The following ACCSL variants were observed in gnomAD, a reference collection of about 807,000 sequenced individuals.
ACCSL encodes probable inactive 1-aminocyclopropane-1-carboxylate synthase-like protein 2.
In ACCSL, 55 loss-of-function variants were observed where a neutral mutation model predicts 61.7. That is an observed-to-expected ratio of 0.89 (90% CI 0.72 to 1.12). The LOEUF (loss-of-function observed/expected upper bound fraction) is 1.12. Among genes scored for constraint, ACCSL ranks in the 50% most tolerant of loss-of-function variants. The probability of loss-of-function intolerance (pLI) is 0.00; values close to 1 mark genes in which losing one functional copy is unlikely to be tolerated. For synonymous variants in ACCSL, 258 were observed against 264.3 expected (o/e 0.98, Z 0.23); for missense variants, 632 against 698.0 (o/e 0.91, Z 1.07).
chr11:44,028,359 C>T, the ACCSL span, among the ~76,000 whole-genome samples: 1 of 151,982 alleles, frequency 6.6e-6, no homozygotes, highest in African/African-American at 2.4e-5. Flanking sequence ...CAGCACTGTC[C>T]AGTAGAATTT....
At chr11:43,969,698 C>T in the ACCSL span, among the ~76,000 whole-genome samples, 7 of 152,124 alleles carry the variant, frequency 4.6e-5, no homozygotes, top group Non-Finnish European at 7.4e-5. Flanking sequence ...CACCTCCTGC[C>T]CACACCCCAG....
chr11:44,011,806 G>C, the ACCSL span, among the ~76,000 whole-genome samples: 1 of 152,086 alleles, frequency 6.6e-6, no homozygotes, highest in East Asian at 1.9e-4. Flanking sequence ...GTGTGTGTGT[G>C]TGTATGGTTG....
the ACCSL span, among the ~76,000 whole-genome samples, chr11:44,022,548 TATC>T: frequency 1.3e-5 from 2 of 152,206 alleles, no homozygotes; most frequent in African/African-American, 2.4e-5. Context: ...CATACGATCA[TATC>T]ATTGGTGAAT....
the ACCSL span, among the ~76,000 whole-genome samples, chr11:43,988,735 T>C: frequency 6.6e-6 from 1 of 151,056 alleles, no homozygotes; most frequent in East Asian, 2.0e-4. Context: ...GGCAAGAGGC[T>C]GCAAAACAGG....
At chr11:44,002,709 G>A in the ACCSL span, among the ~76,000 whole-genome samples, 3 of 152,300 alleles carry the variant, frequency 2.0e-5, no homozygotes, top group Admixed American at 1.3e-4. Context: ...TCTGAATGCT[G>A]TGTGATCTGA....
the ACCSL span, among the ~76,000 whole-genome samples, chr11:43,969,668 C>T: frequency 8.7e-3 from 1,328 of 152,202 alleles, 14 homozygotes; most frequent in Middle Eastern, 0.085. Flanking sequence ...CTGCTGACTT[C>T]GCAGAGCCTG....
chr11:44,035,957 A>AAAAGAAAG, the ACCSL span, among the ~76,000 whole-genome samples: 27 of 151,500 alleles, frequency 1.8e-4, no homozygotes, highest in African/African-American at 6.3e-4. Flanking sequence ...AAAAAAAAAA[A>AAAAGAAAG]AAAGAAAGAA....
At chr11:44,017,630 A>G in the ACCSL span, among the ~76,000 whole-genome samples, 1 of 152,102 alleles carries the variant, frequency 6.6e-6, no homozygotes, top group Admixed American at 6.5e-5. Flanking sequence ...TCAGGTTCAG[A>G]TGTTTCCTCC....
At chr11:43,948,279 C>T in the ACCSL span, among the ~76,000 whole-genome samples, 1 of 152,144 alleles carries the variant, frequency 6.6e-6, no homozygotes, top group Non-Finnish European at 1.5e-5. Context: ...AGGCCTTAGG[C>T]CCTTTGGCCT....
At chr11:44,032,454 C>T in the ACCSL span, among the ~76,000 whole-genome samples, 2 of 152,190 alleles carry the variant, frequency 1.3e-5, no homozygotes, top group Non-Finnish European at 2.9e-5. Context: ...TGTGGGTCAG[C>T]AATGGTCCAG....
intron 3 of ACCSL, 122 bp from the exon 4 acceptor site, chr11:44,051,213 G>A: frequency 1.1e-6 from 1 of 937,116 alleles, no homozygotes; most frequent in Non-Finnish European, 1.8e-6. Context: ...TTAGTCAGTA[G>A]CCCTGTAATA....
the ACCSL span, among the ~76,000 whole-genome samples, chr11:43,969,338 G>A: frequency 6.6e-6 from 1 of 152,132 alleles, no homozygotes; most frequent in African/African-American, 2.4e-5. Context: ...TCCAGCCTAG[G>A]TGGCAGAGTG....
At chr11:43,930,937 T>G in the ACCSL span, among the ~76,000 whole-genome samples, 2 of 152,222 alleles carry the variant, frequency 1.3e-5, no homozygotes, top group Admixed American at 1.3e-4. Context: ...TTAAAAATGC[T>G]GACCATGGCC....
chr11:43,967,195 G>C, the ACCSL span, among the ~76,000 whole-genome samples: 1 of 6,854 alleles, frequency 1.5e-4, no homozygotes, highest in African/African-American at 5.4e-4. Flanking sequence ...TTTTTTTTTT[G>C]AGATGGAGTT....
At chr11:43,945,784 G>A in the ACCSL span, 2 of 152,156 alleles carry the variant, frequency 1.3e-5, no homozygotes, top group Non-Finnish European at 2.9e-5. Context: ...GGGAGGTGGA[G>A]GCTGCAGTGA....
chr11:43,955,923 A>T, the ACCSL span, among the ~76,000 whole-genome samples: 1 of 151,626 alleles, frequency 6.6e-6, no homozygotes, highest in Admixed American at 6.6e-5. Flanking sequence ...CTCAGGAATG[A>T]CTAAGGGCAG....
the ACCSL span, chr11:43,933,347 G>A: frequency 2.9e-6 from 1 of 343,392 alleles, no homozygotes; most frequent in South Asian, 2.3e-5. Context: ...GCCCTCCCAG[G>A]GGGCAGCCAG....
At chr11:44,024,439 CTCTGTGTG>C in the ACCSL span, among the ~76,000 whole-genome samples, 12 of 48,906 alleles carry the variant, frequency 2.5e-4, no homozygotes, top group African/African-American at 7.4e-4. Flanking sequence ...CTCTCTCTCT[CTCTGTGTG>C]TGTGTGTGTG....
At chr11:44,038,964 G>A in the ACCSL span, among the ~76,000 whole-genome samples, 1 of 152,098 alleles carries the variant, frequency 6.6e-6, no homozygotes. Context: ...AGGAAATAGG[G>A]GATCAGACTT....
Sources: gnomAD v4.1 joint callset for allele counts (sites outside exome capture counted in the v4.1 genomes callset) on GRCh38, gnomAD v4.1.1 for gene constraint, MANE v1.5 for transcripts, NCBI Gene and HGNC (gene_info 2026-07-23, HGNC 2026-07-21) for gene names.